SRP54: variants seen among roughly 807,000 people sequenced by gnomAD.
The protein encoded by SRP54 is signal recognition particle subunit SRP54.
SRP54 carries 10 observed loss-of-function variants against 64.8 expected under a neutral mutation model. The observed-to-expected ratio is 0.15, with a 90% CI of 0.10 to 0.26. The LOEUF is 0.26. Ranked by LOEUF, SRP54 falls within the 10% of genes least tolerant of loss-of-function variation. The probability of loss-of-function intolerance (pLI) is 1.00; values close to 1 mark genes in which losing one functional copy is unlikely to be tolerated. For synonymous variants in SRP54, 193 were observed against 185.6 expected (o/e 1.04, Z -0.32); for missense variants, 325 against 613.7 (o/e 0.53, Z 4.97).
At chr14:35,005,609 T>C (rs1204793039) in intron 4 of SRP54, among the ~76,000 whole-genome samples, 1 of 152,010 alleles carries the variant, frequency 6.6e-6, no homozygotes, top group African/African-American at 2.4e-5. Flanking sequence ...CTGCCCAAGC[T>C]GGTCTCAAAC....
chr14:35,009,357 CTTA>C (rs1229985387), intron 7 of SRP54, among the ~76,000 whole-genome samples: 1 of 150,618 alleles, frequency 6.6e-6, no homozygotes, highest in Non-Finnish European at 1.5e-5. Context: ...CACACATGTT[CTTA>C]TTAAGTGTAT....
intron 14 of SRP54, among the ~76,000 whole-genome samples, chr14:35,027,231 C>T (rs941661965): frequency 2.6e-5 from 4 of 151,772 alleles, no homozygotes; most frequent in South Asian, 2.1e-4. Context: ...GGTTTCACCA[C>T]GTTGGCTAGG....
intron 13 of SRP54, chr14:35,019,380 G>GT (rs1406058695): frequency 5.1e-6 from 1 of 197,944 alleles, no homozygotes; most frequent in African/African-American, 2.3e-5. Flanking sequence ...TGGAATGCTA[G>GT]TTTTTAAAGA....
At chr14:34,991,824 G>A (rs574156283) in intron 1 of SRP54, among the ~76,000 whole-genome samples, 4 of 152,204 alleles carry the variant, frequency 2.6e-5, no homozygotes, top group Middle Eastern at 3.4e-3. Flanking sequence ...ATTCTAACAC[G>A]GAGTTTTCAG....
At position 35,029,454 on chromosome 14, in the gene SRP54, GTTT is replaced by G. The variant is rs1021903164; in HGVS notation, c.*305_*307del. 4.3e-6 allele frequency: 1 copy of G among 235,198 alleles called. No individual in the cohort carries two copies. The highest frequency in any genetic ancestry group is 2.3e-5 in the African/African-American group (1 of 43,472). The allele number at this position is 235,198 out of a possible 1,614,324, so 14.6% of individuals were successfully genotyped here. On this transcript the variant is annotated 3_prime_UTR_variant, in exon 16 of 16. Coordinates refer to ENST00000216774, the MANE Select transcript of SRP54 (RefSeq NM_003136.4). ...TGATGTAAAATTTTAGTACTTAAAG[GTTT>G]TTAATTATCTCGAAGGCCAAGCATT...
In SRP54 at chr14:34,999,798, G is replaced by C. The variant is rs963643930; in HGVS notation, c.170+149G>C. 30 of 559,228 alleles carry C rather than the reference G, an allele frequency of 5.4e-5. No homozygotes were observed. The African/African-American group carries it at 5.4e-4, about 10-fold the overall frequency. 34.6% of individuals were successfully genotyped at this position (559,228 alleles called of 1,614,324 possible). On this transcript the variant is annotated intron_variant, in intron 3 of 15. Transcript: ENST00000216774. ...GTGTTGGAGCTCATATGTTGGGCGA[G>C]AGCATGTGTAGTACGTTTCCATAAT... is the stretch of plus-strand genomic sequence containing the variant.
At chr14:35,017,338 G>A (rs543577774) in intron 11 of SRP54, among the ~76,000 whole-genome samples, 12 of 152,250 alleles carry the variant, frequency 7.9e-5, no homozygotes, top group Non-Finnish European at 1.3e-4. Flanking sequence ...ATTTCCACAT[G>A]TAGTGACCTT....
At chr14:35,014,406 T>C (rs2044406320) in intron 10 of SRP54, among the ~76,000 whole-genome samples, 1 of 151,938 alleles carries the variant, frequency 6.6e-6, no homozygotes, top group African/African-American at 2.4e-5. Context: ...GCCTCCCAGG[T>C]AGCTGGGATT....
chr14:35,001,116 A>T, intron 4 of SRP54, 96 bp downstream of exon 4: 3 of 423,816 alleles, frequency 7.1e-6, no homozygotes, highest in East Asian at 4.5e-5. Context: ...TATGTTTTTT[A>T]TGGAATATTC....
At chr14:35,024,487 A>G (rs1373699010) in intron 14 of SRP54, among the ~76,000 whole-genome samples, 3 of 151,984 alleles carry the variant, frequency 2.0e-5, no homozygotes, top group Admixed American at 2.0e-4. Flanking sequence ...TATCTTTGTA[A>G]TAGCTCCTTA....
chr14:35,015,555 C>G (rs552863259), intron 11 of SRP54, among the ~76,000 whole-genome samples: 17 of 152,226 alleles, frequency 1.1e-4, no homozygotes, highest in African/African-American at 3.9e-4. Flanking sequence ...TATTTTTTAG[C>G]TTTATAACTT....
intron 14 of SRP54, among the ~76,000 whole-genome samples, chr14:35,024,821 G>T (rs2044595637): frequency 6.6e-6 from 1 of 151,892 alleles, no homozygotes; most frequent in Admixed American, 6.6e-5. Flanking sequence ...CCGCCTCCTG[G>T]GTTCAAGCTA....
Position 35,013,429 on chromosome 14 carries a change from A to G in SRP54, c.720A>G (p.Val240=). ...AGGCTAAGGCTTTTAAAGATAAAGT[A>G]GATGTAGCCTCAGTAATAGTGACAA... The part of the protein sequence containing the change: ...EAQAKAFKDK[V]DVASVIVTKL... The change falls in exon 9 of 16, where the codon GTA becomes GTG. Residue 240 remains valine (V), a synonymous_variant. Transcript: ENST00000216774. 5 of 1,614,224 alleles carry G rather than the reference A, an allele frequency of 3.1e-6. No homozygotes were observed. Among genetic ancestry groups the G allele is most frequent in the Non-Finnish European group, 4.2e-6 (5 of 1,180,020 alleles).
At chr14:35,010,903 A>G (rs2044346377) in intron 7 of SRP54, among the ~76,000 whole-genome samples, 1 of 152,194 alleles carries the variant, frequency 6.6e-6, no homozygotes, top group South Asian at 2.1e-4. Context: ...TGTTACAGAA[A>G]TATTTTTTCT....
At chr14:35,018,263 A>G (rs1221742055) in intron 11 of SRP54, among the ~76,000 whole-genome samples, 1 of 152,214 alleles carries the variant, frequency 6.6e-6, no homozygotes, top group Non-Finnish European at 1.5e-5. Context: ...TCCTGTTCAT[A>G]GATACCTAAG....
At chr14:35,026,897 C>T (rs938436213) in intron 14 of SRP54, among the ~76,000 whole-genome samples, 2 of 151,952 alleles carry the variant, frequency 1.3e-5, no homozygotes, top group East Asian at 1.9e-4. Flanking sequence ...GGGCTGAGTT[C>T]GTGCCATTGC....
intron 4 of SRP54, 64 bp downstream of exon 4, chr14:35,001,084 C>A: frequency 3.1e-6 from 2 of 654,256 alleles, no homozygotes; most frequent in Non-Finnish European, 2.4e-6. Context: ...GTTAGCACTA[C>A]AAATATTTCA....
At chr14:35,005,523 G>A (rs2044242667) in intron 4 of SRP54, among the ~76,000 whole-genome samples, 1 of 151,932 alleles carries the variant, frequency 6.6e-6, no homozygotes, top group African/African-American at 2.4e-5. Context: ...CAGCCTCCTT[G>A]ATTAGCTGGG....
chr14:35,028,750 G>C (rs1476845578), intron 15 of SRP54, among the ~76,000 whole-genome samples: 1 of 151,960 alleles, frequency 6.6e-6, no homozygotes, highest in Non-Finnish European at 1.5e-5. Context: ...GACCCTTTTG[G>C]ATTTATAAGA....
Sources: gnomAD v4.1 joint callset for allele counts (sites outside exome capture counted in the v4.1 genomes callset) on GRCh38, gnomAD v4.1.1 for gene constraint, MANE v1.5 for transcripts, NCBI Gene and HGNC (gene_info 2026-07-23, HGNC 2026-07-21) for gene names.